Variants in IQGAP2 observed in about 807,000 individuals in gnomAD.
IQGAP2 encodes ras GTPase-activating-like protein IQGAP2.
A neutral mutation model predicts 201.3 loss-of-function variants in IQGAP2; 173 were observed. The observed-to-expected ratio is 0.86, with a 90% CI of 0.76 to 0.98. IQGAP2 has a LOEUF of 0.98. IQGAP2 is among the 50% of genes least tolerant of loss of function. IQGAP2 has a pLI of 0.00. For synonymous variants in IQGAP2, 675 were observed against 673.9 expected (o/e 1.00, Z -0.03); for missense variants, 1,687 against 1,864.8 (o/e 0.90, Z 1.76).
intron 20 of IQGAP2, 146 bp from the exon 21 acceptor site, chr5:76,658,313 G>T (rs896472140): frequency 5.8e-6 from 4 of 689,068 alleles, no homozygotes; most frequent in East Asian, 2.7e-5. Context: ...TTTAAATTGT[G>T]TGGGGGTGGG....
At chr5:76,560,625 C>G (rs1744299088) in intron 2 of IQGAP2, among the ~76,000 whole-genome samples, 1 of 152,130 alleles carries the variant, frequency 6.6e-6, no homozygotes, top group African/African-American at 2.4e-5. Flanking sequence ...CAGTGATAAC[C>G]CAATTATTCC....
intron 5 of IQGAP2, among the ~76,000 whole-genome samples, chr5:76,586,695 A>C (rs930877285): frequency 2.6e-5 from 4 of 152,136 alleles, no homozygotes; most frequent in African/African-American, 9.7e-5. Context: ...TTAGCTAAAT[A>C]TTCAGATTGA....
rs759768576 is a variant in IQGAP2 at position 76,668,698 on chromosome 5, GGCTAA to G, written c.2701_2705del (p.Lys901AspfsTer11). 18 of 1,607,954 alleles carry G rather than the reference GGCTAA, an allele frequency of 1.1e-5. No homozygotes were observed. In the Admixed American group the frequency reaches 2.9e-4, roughly 26 times the overall value. ...CCTTCTAGACCAACCCTTTATACTT[GGCTAA>G]GCTGATTTTCCAGATGCCACAGAAC... On this transcript the variant is annotated frameshift_variant, in exon 23 of 36. Transcript: ENST00000274364. LOFTEE classifies it high-confidence loss of function.
intron 1 of IQGAP2, among the ~76,000 whole-genome samples, chr5:76,437,672 C>T (rs960778194): frequency 6.6e-6 from 1 of 152,160 alleles, no homozygotes; most frequent in Non-Finnish European, 1.5e-5. Flanking sequence ...TAATGGCTTC[C>T]AGCTCCATCC....
intron 2 of IQGAP2, among the ~76,000 whole-genome samples, chr5:76,552,736 C>T (rs1247371289): frequency 2.0e-5 from 3 of 152,184 alleles, no homozygotes; most frequent in Non-Finnish European, 4.4e-5. Context: ...GCAACAGTCT[C>T]TCTTAGCATC....
At chr5:76,678,141 A>G (rs555796800) in intron 28 of IQGAP2, among the ~76,000 whole-genome samples, 24 of 152,284 alleles carry the variant, frequency 1.6e-4, no homozygotes, top group African/African-American at 5.8e-4. Context: ...ATGTTTTAAC[A>G]TAAAGTGGTA....
At chr5:76,702,419 G>T in intron 34 of IQGAP2, 63 bp from the exon 35 acceptor site, 1 of 779,786 alleles carries the variant, frequency 1.3e-6, no homozygotes. Context: ...CCATTAGTTT[G>T]TTTCAGCTTT....
chr5:76,628,280 A>C (rs1353784923), intron 14 of IQGAP2, among the ~76,000 whole-genome samples: 1 of 152,206 alleles, frequency 6.6e-6, no homozygotes, highest in Non-Finnish European at 1.5e-5. Flanking sequence ...AGAGGCCCAA[A>C]ACATAACTGT....
At position 76,461,378 on chromosome 5, in the gene IQGAP2, A is replaced by AAT. The variant is rs35600917; in HGVS notation, c.47-191_47-190insTA. ...GCCAGTTCCTGTCTCAAAAAAAAAA[A>AAT]AAATAAAAATAAAGGAAAAGAAATG... On this transcript the variant is annotated intron_variant, in intron 1 of 35. Coordinates refer to ENST00000274364, the MANE Select transcript of IQGAP2 (RefSeq NM_006633.5). 9.2e-3 allele frequency among the ~76,000 whole-genome samples: 1,396 copies of AAT among 151,710 alleles called. 23 individuals are homozygous for AAT. Among genetic ancestry groups the AAT allele is most frequent in the African/African-American group, 0.032 (1,338 of 41,436 alleles).
intron 1 of IQGAP2, among the ~76,000 whole-genome samples, chr5:76,406,652 C>T (rs1225057790): frequency 2.0e-5 from 3 of 152,188 alleles, no homozygotes; most frequent in Non-Finnish European, 2.9e-5. Context: ...ACATTGCTGC[C>T]ATGATCTGTC....
intron 16 of IQGAP2, among the ~76,000 whole-genome samples, chr5:76,640,648 T>C (rs1287798661): frequency 1.3e-5 from 2 of 152,220 alleles, no homozygotes; most frequent in East Asian, 1.9e-4. Flanking sequence ...TCAGGCCTCA[T>C]GCCTGGTCCT....
At chr5:76,510,719 C>T (rs1354546361) in intron 2 of IQGAP2, 2 of 527,864 alleles carry the variant, frequency 3.8e-6, no homozygotes, top group Non-Finnish European at 7.7e-6. Context: ...CCATTTCACC[C>T]TCTCGGACCT....
chr5:76,406,522 T>C (rs1183125799), intron 1 of IQGAP2, among the ~76,000 whole-genome samples: 1 of 152,276 alleles, frequency 6.6e-6, no homozygotes, highest in Non-Finnish European at 1.5e-5. Context: ...ATATATTGTA[T>C]GTATAGTATT....
At chr5:76,456,771 G>T (rs1284645225) in intron 1 of IQGAP2, among the ~76,000 whole-genome samples, 4 of 152,054 alleles carry the variant, frequency 2.6e-5, no homozygotes, top group Non-Finnish European at 5.9e-5. Flanking sequence ...GAAACACATA[G>T]AATAACAATG....
chr5:76,594,730 G>T (rs1261740919), intron 9 of IQGAP2, among the ~76,000 whole-genome samples: 1 of 152,144 alleles, frequency 6.6e-6, no homozygotes, highest in Admixed American at 6.5e-5. Flanking sequence ...ACTTTGGGAG[G>T]CTGAAATGGG....
At chr5:76,517,283 T>C (rs1324842623) in intron 2 of IQGAP2, among the ~76,000 whole-genome samples, 1 of 152,182 alleles carries the variant, frequency 6.6e-6, no homozygotes, top group African/African-American at 2.4e-5. Context: ...ATCCATGGGA[T>C]GTGATCTCAG....
intron 2 of IQGAP2, among the ~76,000 whole-genome samples, chr5:76,513,271 A>G (rs1046240331): frequency 1.4e-4 from 22 of 152,180 alleles, no homozygotes; most frequent in African/African-American, 4.6e-4. Flanking sequence ...TTTGAGGAAC[A>G]TGGCATTTTC....
At chr5:76,681,596 C>T (rs371105571) in intron 28 of IQGAP2, among the ~76,000 whole-genome samples, 3 of 151,638 alleles carry the variant, frequency 2.0e-5, no homozygotes, top group East Asian at 1.9e-4. Flanking sequence ...CCTTGCACCC[C>T]GTTGGTGGGA....
chr5:76,515,292 T>A (rs938414149), intron 2 of IQGAP2, among the ~76,000 whole-genome samples: 1 of 152,242 alleles, frequency 6.6e-6, no homozygotes. Context: ...GCTGTTGTTT[T>A]GATCACTGTT....
Sources: gnomAD v4.1 joint callset for allele counts (sites outside exome capture counted in the v4.1 genomes callset) on GRCh38, gnomAD v4.1.1 for gene constraint, MANE v1.5 for transcripts, NCBI Gene and HGNC (gene_info 2026-07-23, HGNC 2026-07-21) for gene names.